ARNT: variants seen among roughly 807,000 people sequenced by gnomAD.
ARNT encodes the protein aryl hydrocarbon receptor nuclear translocator.
ARNT carries 30 observed loss-of-function variants against 105.0 expected under a neutral mutation model. The ratio of observed to expected loss-of-function variants is 0.29; its 90% confidence interval spans 0.21 to 0.39. ARNT has a LOEUF of 0.39. ARNT is among the 10% of genes least tolerant of loss of function. ARNT has a pLI of 1.00. For missense variants in ARNT, 748 were observed against 978.7 expected (o/e 0.76, Z 3.15); for synonymous variants, 304 against 344.0 (o/e 0.88, Z 1.29).
Position 150,817,247 on chromosome 1 carries a change from A to G in ARNT, c.1579-45T>C, listed in dbSNP as rs368042521. The G allele has an allele frequency of 2.5e-6, 4 of 1,612,852 alleles. No homozygotes were observed. In the African/African-American group the frequency reaches 4.0e-5, roughly 16 times the overall value. ...AAATAACCATTAAAGATTTAACATG[A>G]CAATTCAATAACCCTAAAATTCATA... On this transcript the variant is annotated intron_variant, in intron 16 of 21. Coordinates refer to ENST00000358595, the MANE Select transcript of ARNT (RefSeq NM_001668.4).
At chr1:150,834,404 G>T in intron 8 of ARNT, 134 bp downstream of exon 8, 2 of 792,758 alleles carry the variant, frequency 2.5e-6, no homozygotes, top group Non-Finnish European at 2.0e-6. Flanking sequence ...ACTTTATTCT[G>T]TGTTACAATC....
intron 3 of ARNT, among the ~76,000 whole-genome samples, chr1:150,851,049 C>T (rs1346468214): frequency 6.6e-6 from 1 of 150,596 alleles, no homozygotes; most frequent in Non-Finnish European, 1.5e-5. Context: ...CTCCGCCCGG[C>T]AGCCGCCCCG....
chr1:150,872,511 A>G (rs1028510436), intron 1 of ARNT, among the ~76,000 whole-genome samples: 13 of 152,212 alleles, frequency 8.5e-5, no homozygotes, highest in Non-Finnish European at 1.6e-4. Flanking sequence ...ATTCTCTGCT[A>G]ATGAGAATAC....
chr1:150,833,691 A>G (rs1201628747), intron 8 of ARNT, among the ~76,000 whole-genome samples: 1 of 151,708 alleles, frequency 6.6e-6, no homozygotes, highest in African/African-American at 2.4e-5. Context: ...AAGGACCACC[A>G]TATTTTCTAC....
At chr1:150,819,801 T>G (rs1238221747) in intron 14 of ARNT, among the ~76,000 whole-genome samples, 1 of 152,116 alleles carries the variant, frequency 6.6e-6, no homozygotes, top group African/African-American at 2.4e-5. Flanking sequence ...TGTTAACTGA[T>G]CTAGAATTTC....
At chr1:150,860,215 A>AACTCTTT (rs1221352608) in intron 1 of ARNT, among the ~76,000 whole-genome samples, 1 of 65,520 alleles carries the variant, frequency 1.5e-5, no homozygotes, top group East Asian at 4.8e-4. Flanking sequence ...AAAAAAAAAA[A>AACTCTTT]TTCTTTTTTT....
intron 1 of ARNT, among the ~76,000 whole-genome samples, chr1:150,861,536 A>G (rs1438570983): frequency 6.6e-6 from 1 of 152,208 alleles, no homozygotes. Context: ...GGGGCTGAAC[A>G]TGGTGGCTTA....
At chr1:150,861,232 T>C in intron 1 of ARNT, 1 of 359,816 alleles carries the variant, frequency 2.8e-6, no homozygotes, top group Non-Finnish European at 5.4e-6. Context: ...TAAAACTGGG[T>C]GCAGTGGTGC....
intron 1 of ARNT, among the ~76,000 whole-genome samples, chr1:150,865,341 G>A (rs1252582983): frequency 6.6e-6 from 1 of 152,042 alleles, no homozygotes; most frequent in Admixed American, 6.5e-5. Context: ...TAATTTTTTT[G>A]AAACTAGAGA....
At chr1:150,859,683 A>G (rs1665257304) in intron 1 of ARNT, among the ~76,000 whole-genome samples, 1 of 151,864 alleles carries the variant, frequency 6.6e-6, no homozygotes, top group African/African-American at 2.4e-5. Flanking sequence ...TTATTTTTCA[A>G]TCTCAGTTTA....
At chr1:150,872,935 C>T (rs1231716500) in intron 1 of ARNT, among the ~76,000 whole-genome samples, 1 of 152,090 alleles carries the variant, frequency 6.6e-6, no homozygotes, top group African/African-American at 2.4e-5. Context: ...GCACTCCAGC[C>T]TCAGTGACAG....
In ARNT at chr1:150,816,379, G is replaced by A. The variant is rs1655884287; in HGVS notation, c.1830C>T (p.Thr610=). 11 of 1,607,656 alleles carry A rather than the reference G, an allele frequency of 6.8e-6. No individual in the cohort carries two copies. In the South Asian group the frequency reaches 1.1e-4, roughly 16 times the overall value. ...FRNSGLAPPV[T]IVQPSASAGQ... is the part of the protein sequence containing the mutation. ...CTGCAGAAGCTGATGGCTGGACAATGGTTACAGGAGGGGCTAGGCCACTAT... is the reference window on the plus strand; with the variant it reads ...CTGCAGAAGCTGATGGCTGGACAATAGTTACAGGAGGGGCTAGGCCACTAT... The change falls in exon 19 of 22, where the codon ACC becomes ACT. Residue 610 remains threonine (T), a synonymous_variant. Transcript: ENST00000358595.
intron 19 of ARNT, among the ~76,000 whole-genome samples, chr1:150,814,653 C>T (rs939906035): frequency 6.6e-6 from 1 of 152,064 alleles, no homozygotes; most frequent in Non-Finnish European, 1.5e-5. Flanking sequence ...ACCAGCCGGG[C>T]CAACATGGTG....
chr1:150,851,021 C>CT (rs587664203), intron 3 of ARNT, among the ~76,000 whole-genome samples: 7,358 of 147,812 alleles, frequency 0.05, 750 homozygotes, highest in African/African-American at 0.18. Flanking sequence ...GCCACCCCGT[C>CT]TGAGAAGTGA....
At chr1:150,847,944 C>CT (rs1662555862) in intron 3 of ARNT, among the ~76,000 whole-genome samples, 1 of 151,922 alleles carries the variant, frequency 6.6e-6, no homozygotes, top group Non-Finnish European at 1.5e-5. Flanking sequence ...AAATATGAGC[C>CT]TTAACTTTAA....
intron 19 of ARNT, 105 bp from the exon 20 acceptor site, chr1:150,814,344 C>A (rs1213553936): frequency 9.2e-7 from 1 of 1,084,216 alleles, no homozygotes; most frequent in African/African-American, 1.6e-5. Flanking sequence ...TCCTTCTGAA[C>A]CAAGCTCATC....
At chr1:150,875,900 C>G (rs1668161711) in intron 1 of ARNT, among the ~76,000 whole-genome samples, 1 of 152,184 alleles carries the variant, frequency 6.6e-6, no homozygotes, top group African/African-American at 2.4e-5. Context: ...AACCATTACA[C>G]AAACCCCTGC....
chr1:150,841,650 T>C (rs1349479759), intron 5 of ARNT, among the ~76,000 whole-genome samples: 3 of 152,212 alleles, frequency 2.0e-5, no homozygotes, highest in South Asian at 2.1e-4. Flanking sequence ...GAAAAGTCTA[T>C]GCATATTTCT....
intron 1 of ARNT, among the ~76,000 whole-genome samples, chr1:150,874,444 G>A (rs758856351): frequency 6.6e-6 from 1 of 152,178 alleles, no homozygotes; most frequent in Non-Finnish European, 1.5e-5. Context: ...TCCCAACTTG[G>A]AGAGACTGAG....
Sources: allele counts gnomAD v4.1 joint callset (sites outside exome capture counted in the v4.1 genomes callset), GRCh38; gene constraint gnomAD v4.1.1; transcripts MANE v1.5; gene names NCBI Gene and HGNC (gene_info 2026-07-23, HGNC 2026-07-21).